The following KDM1A variants were observed in gnomAD, a reference collection of about 807,000 sequenced individuals.
KDM1A encodes lysine demethylase 1A.
Under a neutral mutation model 109.4 loss-of-function variants are expected in KDM1A, and 49 were observed. The ratio of observed to expected loss-of-function variants is 0.45; its 90% CI spans 0.36 to 0.57. KDM1A has a LOEUF of 0.57. Among genes scored for constraint, KDM1A ranks in the 20% least tolerant of loss-of-function variants. KDM1A has a pLI of 0.00. For missense variants in KDM1A, 668 were observed against 1,116.6 expected (o/e 0.60, Z 5.73); for synonymous variants, 380 against 415.4 (o/e 0.91, Z 1.04).
At chr1:23,052,349 T>C (rs1642698198) in intron 4 of KDM1A, among the ~76,000 whole-genome samples, 1 of 152,214 alleles carries the variant, frequency 6.6e-6, no homozygotes, top group South Asian at 2.1e-4. Context: ...GGAAGACTTG[T>C]GTTGGGAGTG....
At position 23,044,473 on chromosome 1, in the gene KDM1A, C is replaced by T. The variant is rs757289573; in HGVS notation, c.564C>T (p.Asp188=). The T allele has an allele frequency of 2.2e-5, 35 of 1,610,856 alleles. No homozygotes were observed. Among genetic ancestry groups the T allele is most frequent in the South Asian group, 4.4e-5 (4 of 90,638 alleles). ...ACGACAGTTCTGGAGGGTATGGAGA[C>T]GGCCAAGCATCAGGTGAGGGTGGCA... The part of the protein sequence containing the change: ...LQDDSSGGYG[D]GQASGVEGAA... Residue 188 remains aspartate, a synonymous_variant, in exon 3 of 21, where the codon GAC becomes GAT. Coordinates refer to ENST00000400181, the MANE Select transcript of KDM1A (RefSeq NM_001009999.3).
intron 1 of KDM1A, among the ~76,000 whole-genome samples, chr1:23,023,296 G>A (rs1163497665): frequency 6.6e-6 from 1 of 152,118 alleles, no homozygotes. Flanking sequence ...CTTATCCAAT[G>A]TCACGAGGAT....
chr1:23,080,277 A>T (rs574283257), intron 18 of KDM1A, among the ~76,000 whole-genome samples: 1 of 152,214 alleles, frequency 6.6e-6, no homozygotes, highest in East Asian at 1.9e-4. Flanking sequence ...CAGAGCCTCT[A>T]ACTTCACAGA....
chr1:23,021,537 G>T (rs1456268916), intron 1 of KDM1A, among the ~76,000 whole-genome samples: 1 of 152,078 alleles, frequency 6.6e-6, no homozygotes, highest in African/African-American at 2.4e-5. Context: ...GGTGGCGGGC[G>T]CCTGTAATCC....
intron 4 of KDM1A, 56 bp from the exon 5 acceptor site, chr1:23,053,705 A>T (rs579785): frequency 8.4e-7 from 1 of 1,184,086 alleles, no homozygotes; most frequent in Non-Finnish European, 1.3e-6. Flanking sequence ...TTTTAAAGAT[A>T]GTCAAATAAC....
At chr1:23,044,231 G>A (rs1046059003) in intron 2 of KDM1A, 196 bp from the exon 3 acceptor site, 2 of 524,550 alleles carry the variant, frequency 3.8e-6, no homozygotes, top group African/African-American at 3.9e-5. Flanking sequence ...AACATGTAAA[G>A]TTGAAACTTC....
rs565728050 is a variant in KDM1A at position 23,078,140 on chromosome 1, G to A, written c.1867+780G>A. Reference sequence around the variant, plus strand: ...CGCTGCCCCTTTCCTTGGAGTTACTGAGATCACCACAGATGTTTTGGTTTT... The same window carrying A: ...CGCTGCCCCTTTCCTTGGAGTTACTAAGATCACCACAGATGTTTTGGTTTT... On this transcript the variant is annotated intron_variant, in intron 16 of 20. Coordinates refer to ENST00000400181, the MANE Select transcript of KDM1A (RefSeq NM_001009999.3). 2.8e-4 allele frequency among the ~76,000 whole-genome samples: 42 copies of A among 152,274 alleles called. No individual in the cohort carries two copies. The South Asian group carries it at 5.6e-3, about 20-fold the overall frequency.
At chr1:23,035,337 G>A (rs1033606267) in intron 2 of KDM1A, among the ~76,000 whole-genome samples, 1 of 152,044 alleles carries the variant, frequency 6.6e-6, no homozygotes, top group Non-Finnish European at 1.5e-5. Context: ...CAAGTAGCTG[G>A]GATTACAGGC....
intron 2 of KDM1A, among the ~76,000 whole-genome samples, chr1:23,036,820 T>A (rs1032606345): frequency 1.3e-5 from 2 of 152,070 alleles, no homozygotes; most frequent in South Asian, 2.1e-4. Context: ...GCAAATTTTT[T>A]AAAAAATAGG....
intron 1 of KDM1A, 49 bp downstream of exon 1, chr1:23,019,996 C>T: frequency 1.4e-6 from 2 of 1,416,758 alleles, no homozygotes; most frequent in South Asian, 1.5e-5. Context: ...GCCGAGCTTC[C>T]CCGAGGCTTC....
At chr1:23,050,916 C>G (rs1569726661) in intron 4 of KDM1A, among the ~76,000 whole-genome samples, 2 of 152,096 alleles carry the variant, frequency 1.3e-5, no homozygotes, top group African/African-American at 2.4e-5. Context: ...AAAACCCTTT[C>G]TCTACTAAAA....
intron 3 of KDM1A, among the ~76,000 whole-genome samples, chr1:23,047,678 A>C (rs1642540920): frequency 6.6e-6 from 1 of 152,154 alleles, no homozygotes; most frequent in Admixed American, 6.5e-5. Flanking sequence ...GAGATGGTGT[A>C]TCGCTTGAGC....
intron 9 of KDM1A, among the ~76,000 whole-genome samples, chr1:23,062,131 A>G (rs896472337): frequency 1.3e-5 from 2 of 152,258 alleles, no homozygotes; most frequent in Non-Finnish European, 2.9e-5. Flanking sequence ...GCCTAAGGTT[A>G]TCATAATCAG....
intron 9 of KDM1A, among the ~76,000 whole-genome samples, chr1:23,063,224 GTGTGTGGGTGTGTGT>G (rs1643062595): frequency 3.1e-5 from 2 of 64,590 alleles, no homozygotes; most frequent in African/African-American, 5.8e-5. Context: ...TGGGGTGGGT[GTGTGTGGGTGTGTGT>G]GTGTGTGTGT....
intron 2 of KDM1A, among the ~76,000 whole-genome samples, chr1:23,034,863 T>C (rs1383761898): frequency 2.0e-5 from 3 of 152,182 alleles, no homozygotes; most frequent in Non-Finnish European, 4.4e-5. Flanking sequence ...TAAGCCTTTT[T>C]CAAGTTAATG....
chr1:23,082,490 G>GA, intron 20 of KDM1A, 124 bp downstream of exon 20: 1 of 952,788 alleles, frequency 1.0e-6, no homozygotes. Flanking sequence ...AGATAACCAA[G>GA]AGCAGAGTTA....
chr1:23,031,259 G>A (rs1212490306), intron 2 of KDM1A, among the ~76,000 whole-genome samples: 1 of 152,190 alleles, frequency 6.6e-6, no homozygotes, highest in Non-Finnish European at 1.5e-5. Flanking sequence ...AGGATGGCTG[G>A]ACCAATCAGG....
At chr1:23,061,556 T>C (rs573720848) in intron 9 of KDM1A, among the ~76,000 whole-genome samples, 1 of 152,304 alleles carries the variant, frequency 6.6e-6, no homozygotes, top group South Asian at 2.1e-4. Flanking sequence ...TGAGTTATGC[T>C]TGCCTTAGTT....
intron 15 of KDM1A, among the ~76,000 whole-genome samples, chr1:23,075,910 G>GCA (rs576014698): frequency 7.2e-5 from 11 of 152,176 alleles, no homozygotes; most frequent in Admixed American, 6.5e-4. Flanking sequence ...TCACGCCACT[G>GCA]CACTGCAGCC....
Sources: gnomAD v4.1 joint callset for allele counts (sites outside exome capture counted in the v4.1 genomes callset) on GRCh38, gnomAD v4.1.1 for gene constraint, MANE v1.5 for transcripts, NCBI Gene and HGNC (gene_info 2026-07-23, HGNC 2026-07-21) for gene names.